DAAM2: variants seen among roughly 807,000 people sequenced by gnomAD.
DAAM2 encodes the protein dishevelled associated activator of morphogenesis 2.
In DAAM2, 39 loss-of-function variants were observed where a neutral mutation model predicts 120.7. The ratio of observed to expected loss-of-function variants is 0.32; its 90% CI spans 0.25 to 0.42. DAAM2 has a LOEUF of 0.42. Among genes scored for constraint, DAAM2 ranks in the 10% least tolerant of loss-of-function variants. The pLI is 1.00. For synonymous variants in DAAM2, 488 were observed against 524.9 expected (o/e 0.93, Z 0.96); for missense variants, 1,283 against 1,401.7 (o/e 0.92, Z 1.35).
chr6:39,879,991 CTAA>C (rs1765050321), intron 14 of DAAM2: 1 of 192,000 alleles, frequency 5.2e-6, no homozygotes. Context: ...GTATTATCCA[CTAA>C]TAATCACCAA....
At chr6:39,825,053 A>G (rs945384586) in intron 1 of DAAM2, among the ~76,000 whole-genome samples, 1 of 152,170 alleles carries the variant, frequency 6.6e-6, no homozygotes, top group African/African-American at 2.4e-5. Flanking sequence ...GCCTGATCAG[A>G]GAGGCTGCTT....
intron 1 of DAAM2, 142 bp from the exon 2 acceptor site, chr6:39,856,105 G>A (rs979149898): frequency 2.4e-5 from 13 of 530,900 alleles, no homozygotes; most frequent in South Asian, 6.4e-5. Flanking sequence ...GAGGAGGGGC[G>A]ACAGCGGGGT....
At position 39,896,835 on chromosome 6, in the gene DAAM2, C is replaced by A; in HGVS notation, c.2365C>A (p.Leu789Met). 1.2e-6 allele frequency: 2 copies of A among 1,604,814 alleles called. No homozygotes were observed. Among genetic ancestry groups the A allele is most frequent in the East Asian group, 2.2e-5 (1 of 44,586 alleles). ...VEAILLASRE[L>M]VRSKRLRQML... ...AGCCATCCTGTTGGCCTCCCGGGAG[C>A]TGGTCCGCAGCAAGCGTCTTAGACA... Residue 789 changes from leucine (L) to methionine (M), a missense_variant, in exon 20 of 25, where the codon CTG becomes ATG. Leu to Met is a conservative substitution (Grantham distance 15). Around this residue, in one of 3 missense-constraint regions of DAAM2, gnomAD observed 748 missense variants for 768.6 expected, o/e 0.97. Coordinates refer to ENST00000274867, the MANE Select transcript of DAAM2 (RefSeq NM_001201427.2).
chr6:39,887,529 A>C lies in DAAM2; in HGVS notation c.1997A>C (p.Lys666Thr), dbSNP rs1562055566. ...STEDIYLASRKVKELSVIDGR... is the reference protein window; with the variant it reads ...STEDIYLASRTVKELSVIDGR... ...GAAGACATCTACCTGGCTTCCCGCA[A>C]GGTCAAAGAGCTGTCGGTCATTGAT... Residue 666 changes from lysine (K) to threonine (T), a missense_variant, in exon 16 of 25, where the codon AAG becomes ACG. Lys to Thr is a moderately conservative substitution (Grantham distance 78). This residue lies in a region of DAAM2 where 748 missense variants were observed against 768.6 expected (regional missense o/e 0.97). Coordinates refer to ENST00000274867, the MANE Select transcript of DAAM2 (RefSeq NM_001201427.2). The C allele has an allele frequency of 6.2e-7, 1 of 1,613,928 alleles. No individual in the cohort carries two copies. The highest frequency in any genetic ancestry group is 2.2e-5 in the East Asian group (1 of 44,856).
At chr6:39,859,701 A>G (rs1357263181) in intron 2 of DAAM2, among the ~76,000 whole-genome samples, 2 of 152,236 alleles carry the variant, frequency 1.3e-5, no homozygotes, top group Non-Finnish European at 2.9e-5. Context: ...TTTTAGATTT[A>G]CTGGTTTAAA....
intron 18 of DAAM2, 64 bp downstream of exon 18, chr6:39,891,511 CTCTGCCAAGAGGAAGGGGATGG>C: frequency 6.6e-7 from 1 of 1,516,696 alleles, no homozygotes; most frequent in Non-Finnish European, 9.0e-7. Flanking sequence ...GCAGGTGGGG[CTCTGCCAAGAGGAAGGGGATGG>C]AGGTGGGCAG....
chr6:39,856,907 C>T (rs568743941), intron 2 of DAAM2, among the ~76,000 whole-genome samples: 1 of 152,174 alleles, frequency 6.6e-6, no homozygotes, highest in Non-Finnish European at 1.5e-5. Context: ...AGACACTGGG[C>T]ACCTCGGAAC....
intron 1 of DAAM2, among the ~76,000 whole-genome samples, chr6:39,835,334 T>C (rs1055269556): frequency 6.6e-6 from 1 of 152,242 alleles, no homozygotes; most frequent in Non-Finnish European, 1.5e-5. Context: ...TGTTTTATTT[T>C]ATGTATTTTC....
At chr6:39,886,908 C>T (rs2149346603) in intron 15 of DAAM2, 1 of 159,294 alleles carries the variant, frequency 6.3e-6, no homozygotes, top group Non-Finnish European at 1.4e-5. Flanking sequence ...TCTCCAGAAT[C>T]TGCCTGCTGG....
chr6:39,882,531 C>T (rs1765167960), intron 14 of DAAM2, among the ~76,000 whole-genome samples: 1 of 152,044 alleles, frequency 6.6e-6, no homozygotes, highest in Non-Finnish European at 1.5e-5. Flanking sequence ...GTCCTAGCTG[C>T]AGAGGGAGGC....
At chr6:39,817,197 C>T (rs1244980857) in intron 1 of DAAM2, among the ~76,000 whole-genome samples, 1 of 152,182 alleles carries the variant, frequency 6.6e-6, no homozygotes, top group Non-Finnish European at 1.5e-5. Context: ...GGCCATGTGC[C>T]TGGGAGTCTT....
intron 22 of DAAM2, 191 bp from the exon 23 acceptor site, chr6:39,899,886 A>G: frequency 1.7e-6 from 1 of 572,964 alleles, no homozygotes; most frequent in South Asian, 2.3e-5. Context: ...CTAGAGAAAG[A>G]AAGATGGCAG....
chr6:39,888,553 G>A (rs1182642921), intron 16 of DAAM2, 126 bp from the exon 17 acceptor site: 1 of 681,042 alleles, frequency 1.5e-6, no homozygotes, highest in South Asian at 2.2e-5. Flanking sequence ...TTGTAGAGGA[G>A]GTGAGGGGGG....
intron 2 of DAAM2, 127 bp downstream of exon 2, chr6:39,856,597 A>G: frequency 1.5e-6 from 1 of 682,252 alleles, no homozygotes; most frequent in Non-Finnish European, 2.2e-6. Context: ...GGGAGGAGAT[A>G]GGCCCCCAGG....
chr6:39,794,599 G>A (rs1761645002), intron 1 of DAAM2, among the ~76,000 whole-genome samples: 1 of 152,180 alleles, frequency 6.6e-6, no homozygotes, highest in Non-Finnish European at 1.5e-5. Context: ...TTTGGTGAGC[G>A]TGGAGGAAGT....
At chr6:39,793,610 T>G (rs1561988234) in intron 1 of DAAM2, among the ~76,000 whole-genome samples, 1 of 152,156 alleles carries the variant, frequency 6.6e-6, no homozygotes, top group Non-Finnish European at 1.5e-5. Context: ...TTCAAAGTCT[T>G]GTGTTTTCCC....
chr6:39,850,113 A>C (rs980505298), intron 1 of DAAM2, among the ~76,000 whole-genome samples: 3 of 152,184 alleles, frequency 2.0e-5, no homozygotes, highest in Non-Finnish European at 2.9e-5. Context: ...CTGCCATCAA[A>C]CCAGGGTACT....
At chr6:39,866,754 T>G (rs976350019) in intron 5 of DAAM2, among the ~76,000 whole-genome samples, 1 of 152,108 alleles carries the variant, frequency 6.6e-6, no homozygotes. Flanking sequence ...TACTGAGGAG[T>G]GTAAATGGTA....
chr6:39,797,918 C>A (rs1761748449), intron 1 of DAAM2, among the ~76,000 whole-genome samples: 1 of 152,200 alleles, frequency 6.6e-6, no homozygotes, highest in Admixed American at 6.5e-5. Flanking sequence ...AACAGTGAAA[C>A]CCAGCTTGTC....
Sources: gnomAD v4.1 joint callset for allele counts (sites outside exome capture counted in the v4.1 genomes callset) on GRCh38, gnomAD v4.1.1 for gene constraint, gnomAD v4.1.1 regional missense constraint, MANE v1.5 for transcripts, NCBI Gene and HGNC (gene_info 2026-07-23, HGNC 2026-07-21) for gene names.